Variants in CAMK4 observed in about 807,000 individuals in gnomAD.
CAMK4 encodes calcium/calmodulin-dependent protein kinase type IV.
A neutral mutation model predicts 44.9 loss-of-function variants in CAMK4; 22 were observed. That is an observed-to-expected ratio of 0.49 (90% confidence interval 0.35 to 0.70). The LOEUF (loss-of-function observed/expected upper bound fraction) is 0.70. Among genes scored for constraint, CAMK4 ranks in the 30% least tolerant of loss-of-function variants. CAMK4 has a pLI of 0.01. For missense variants in CAMK4, 498 were observed against 586.8 expected, an observed-to-expected ratio of 0.85 and a Z score of 1.56; for synonymous variants, 218 against 215.4, an observed-to-expected ratio of 1.01 and a Z score of -0.11.
intron 1 of CAMK4, among the ~76,000 whole-genome samples, chr5:111,230,716 G>A (rs1748429744): frequency 1.3e-5 from 2 of 152,110 alleles, no homozygotes; most frequent in South Asian, 4.1e-4. Flanking sequence ...TGGGTTATGT[G>A]TTTGCAGTAA....
At chr5:111,432,994 A>G (rs62371280) in intron 5 of CAMK4, among the ~76,000 whole-genome samples, 52,381 of 152,008 alleles carry the variant, frequency 0.34, 9,830 homozygotes, top group Middle Eastern at 0.49. Flanking sequence ...GCATTAAAAT[A>G]TTTGACTATG....
intron 7 of CAMK4, among the ~76,000 whole-genome samples, chr5:111,472,910 G>A (rs762677367): frequency 1.6e-4 from 24 of 152,150 alleles, no homozygotes; most frequent in South Asian, 6.2e-4. Flanking sequence ...CTCCCAGCAG[G>A]TCTAGATCTC....
chr5:111,467,970 A>ACC (rs1554074267), intron 7 of CAMK4, among the ~76,000 whole-genome samples: 47 of 148,612 alleles, frequency 3.2e-4, no homozygotes, highest in African/African-American at 1.1e-3. Context: ...ACACACACAC[A>ACC]CCATGGAATA....
chr5:111,466,751 T>C (rs184935807), intron 7 of CAMK4, among the ~76,000 whole-genome samples: 4 of 152,162 alleles, frequency 2.6e-5, no homozygotes, highest in Non-Finnish European at 5.9e-5. Flanking sequence ...ATCAATATTG[T>C]GAAAATGACC....
rs1011449544 is a variant in CAMK4 at position 111,233,646 on chromosome 5, T to G, written c.161+9002T>G. On this transcript the variant is annotated intron_variant, in intron 1 of 10. Coordinates refer to ENST00000282356, the MANE Select transcript of CAMK4 (RefSeq NM_001744.6). ...TTTAGAGTGACAATAATATGCTAAATAAATTACTGATGAAAGATTTTCCTC... is the reference window on the plus strand; with the variant it reads ...TTTAGAGTGACAATAATATGCTAAAGAAATTACTGATGAAAGATTTTCCTC... 4.6e-5 allele frequency among the ~76,000 whole-genome samples: 7 copies of G among 152,210 alleles called. No individual in the cohort carries two copies. In the East Asian group the frequency reaches 1.3e-3, roughly 29 times the overall value.
chr5:111,368,019 C>G (rs969977143), intron 2 of CAMK4, among the ~76,000 whole-genome samples: 4 of 152,060 alleles, frequency 2.6e-5, no homozygotes, highest in Non-Finnish European at 5.9e-5. Context: ...AAGTAAAGCA[C>G]GGAATGTTGA....
At chr5:111,381,819 T>C (rs998798672) in intron 4 of CAMK4, among the ~76,000 whole-genome samples, 1 of 152,184 alleles carries the variant, frequency 6.6e-6, no homozygotes, top group African/African-American at 2.4e-5. Context: ...AAAATTCACA[T>C]ACGGTTTTAA....
At chr5:111,480,926 G>A (rs1755414574) in intron 9 of CAMK4, among the ~76,000 whole-genome samples, 1 of 152,076 alleles carries the variant, frequency 6.6e-6, no homozygotes, top group African/African-American at 2.4e-5. Flanking sequence ...TTCAGAACTG[G>A]AAGAATCCTT....
chr5:111,325,967 G>A (rs752323619), intron 1 of CAMK4, among the ~76,000 whole-genome samples: 3 of 152,142 alleles, frequency 2.0e-5, no homozygotes, highest in East Asian at 1.9e-4. Flanking sequence ...CTAAAGTAGT[G>A]TTTAAAGGAA....
intron 4 of CAMK4, among the ~76,000 whole-genome samples, chr5:111,389,574 C>T (rs374617029): frequency 2.6e-5 from 4 of 152,168 alleles, no homozygotes; most frequent in East Asian, 1.9e-4. Flanking sequence ...TGGCTCTCTT[C>T]AACCACAAGG....
chr5:111,297,279 G>A (rs1021679916), intron 1 of CAMK4, among the ~76,000 whole-genome samples: 2 of 152,038 alleles, frequency 1.3e-5, no homozygotes, highest in Non-Finnish European at 2.9e-5. Flanking sequence ...TCCAAAAATA[G>A]CACAATGCAG....
chr5:111,380,552 C>T (rs558299442), intron 4 of CAMK4, among the ~76,000 whole-genome samples: 2 of 152,220 alleles, frequency 1.3e-5, no homozygotes, highest in South Asian at 2.1e-4. Context: ...GTGTGTTTTT[C>T]CCCACTATGT....
intron 7 of CAMK4, among the ~76,000 whole-genome samples, chr5:111,451,027 C>T (rs969713135): frequency 5.3e-5 from 8 of 151,882 alleles, no homozygotes; most frequent in African/African-American, 1.9e-4. Flanking sequence ...ATCAGATAGG[C>T]GAAGTGCGAT....
At chr5:111,432,659 T>C (rs1160727779) in intron 5 of CAMK4, among the ~76,000 whole-genome samples, 1 of 120,882 alleles carries the variant, frequency 8.3e-6, no homozygotes, top group Non-Finnish European at 1.8e-5. Flanking sequence ...TATATATGTG[T>C]GTGTATATAT....
At position 111,284,524 on chromosome 5, in the gene CAMK4, C is replaced by T. The variant is rs116180197; in HGVS notation, c.162-59500C>T. ...CTTGGTCCCAGACACAGATAGAAGC[C>T]TTGTCTGGCTCTGGGCGGATCACCA... is the stretch of plus-strand genomic sequence containing the variant. On this transcript the variant is annotated intron_variant, in intron 1 of 10. Transcript: ENST00000282356. Among the ~76,000 whole-genome samples the T allele has an allele frequency of 3.9e-3, 600 of 152,252 alleles. 7 individuals are homozygous for T. Among genetic ancestry groups the T allele is most frequent in the African/African-American group, 0.013 (559 of 41,534 alleles).
At chr5:111,279,368 C>T (rs551870475) in intron 1 of CAMK4, among the ~76,000 whole-genome samples, 1 of 152,274 alleles carries the variant, frequency 6.6e-6, no homozygotes, top group African/African-American at 2.4e-5. Flanking sequence ...TGGGACCCTT[C>T]TGCAGATCTC....
At chr5:111,264,250 T>A (rs1750129183) in intron 1 of CAMK4, among the ~76,000 whole-genome samples, 1 of 152,266 alleles carries the variant, frequency 6.6e-6, no homozygotes, top group East Asian at 1.9e-4. Context: ...TTGGTGTGAT[T>A]TGCAGTTATC....
intron 2 of CAMK4, among the ~76,000 whole-genome samples, chr5:111,364,714 T>G (rs923295072): frequency 2.6e-5 from 4 of 152,066 alleles, no homozygotes; most frequent in African/African-American, 9.7e-5. Context: ...AAATCCCTTC[T>G]TTTTTCTTTT....
intron 5 of CAMK4, among the ~76,000 whole-genome samples, chr5:111,395,760 A>C (rs1751984037): frequency 6.6e-6 from 1 of 152,188 alleles, no homozygotes; most frequent in Non-Finnish European, 1.5e-5. Flanking sequence ...AAAGCTTCCC[A>C]TGTATTTGAT....
Sources: allele counts gnomAD v4.1 joint callset (sites outside exome capture counted in the v4.1 genomes callset), GRCh38; gene constraint gnomAD v4.1.1; transcripts MANE v1.5; gene names NCBI Gene and HGNC (gene_info 2026-07-23, HGNC 2026-07-21).